The following SEZ6L variants were observed in gnomAD, a reference collection of about 807,000 sequenced individuals.
The protein encoded by SEZ6L is seizure 6-like protein.
SEZ6L carries 37 observed loss-of-function variants against 106.2 expected under a neutral mutation model. The observed-to-expected ratio is 0.35, with a 90% CI of 0.27 to 0.46. The LOEUF (loss-of-function observed/expected upper bound fraction) is 0.46, where lower values mean the gene tolerates loss of function less well. Among genes scored for constraint, SEZ6L ranks in the 20% least tolerant of loss-of-function variants. The pLI is 1.00. For missense variants in SEZ6L, 1,172 were observed against 1,332.8 expected, an observed-to-expected ratio of 0.88 and a Z score of 1.88; for synonymous variants, 541 against 570.4, an observed-to-expected ratio of 0.95 and a Z score of 0.73.
At position 26,195,995 on chromosome 22, in the gene SEZ6L, A is replaced by G. The variant is rs1410575781; in HGVS notation, c.94+26232A>G. Among the ~76,000 whole-genome samples, 3 of 152,282 alleles carry G rather than the reference A, an allele frequency of 2.0e-5. No homozygotes were observed. In the East Asian group the frequency reaches 5.8e-4, roughly 29 times the overall value. On this transcript the variant is annotated intron_variant, in intron 1 of 16. Transcript: ENST00000248933. ...TATGCAAAGCCCCAAGGAAGGAATG[A>G]GTGATATAGTTTTGATCTGTGTCCC...
At chr22:26,309,221 T>G (rs972507994) in intron 6 of SEZ6L, among the ~76,000 whole-genome samples, 9 of 152,258 alleles carry the variant, frequency 5.9e-5, no homozygotes, top group African/African-American at 2.2e-4. Flanking sequence ...GCATAATTTC[T>G]TTAAAAAACC....
At chr22:26,316,165 G>A (rs866933253) in intron 9 of SEZ6L, among the ~76,000 whole-genome samples, 18 of 152,190 alleles carry the variant, frequency 1.2e-4, no homozygotes, top group African/African-American at 7.2e-5. Context: ...CATTCCAACC[G>A]AACTGTTTGA....
chr22:26,350,331 G>A (rs1221914639), intron 11 of SEZ6L, among the ~76,000 whole-genome samples: 2 of 151,034 alleles, frequency 1.3e-5, no homozygotes, highest in African/African-American at 2.4e-5. Flanking sequence ...AGGCTTAAGC[G>A]ATCCTCTCAC....
At chr22:26,323,565 G>A (rs531343365) in intron 9 of SEZ6L, among the ~76,000 whole-genome samples, 3 of 152,310 alleles carry the variant, frequency 2.0e-5, no homozygotes, top group African/African-American at 7.2e-5. Context: ...CTCAGGTGTT[G>A]AGACCAGCTT....
At chr22:26,354,571 G>A (rs1397770406) in intron 12 of SEZ6L, among the ~76,000 whole-genome samples, 5 of 152,170 alleles carry the variant, frequency 3.3e-5, no homozygotes, top group Admixed American at 1.3e-4. Flanking sequence ...CTGCAAGAGC[G>A]ATCAGAAGCA....
chr22:26,306,166 C>T (rs1249287750), intron 6 of SEZ6L, 22 bp downstream of exon 6: 4 of 1,608,452 alleles, frequency 2.5e-6, no homozygotes, highest in Non-Finnish European at 2.5e-6. Flanking sequence ...AAGGTCCACA[C>T]CCAACCCCGT....
intron 1 of SEZ6L, among the ~76,000 whole-genome samples, chr22:26,277,014 A>G (rs917479232): frequency 6.6e-6 from 1 of 152,186 alleles, no homozygotes; most frequent in African/African-American, 2.4e-5. Context: ...TGAACCCAAC[A>G]TGAATTACAA....
intron 9 of SEZ6L, among the ~76,000 whole-genome samples, chr22:26,323,461 C>T (rs769616698): frequency 2.0e-5 from 3 of 152,062 alleles, no homozygotes; most frequent in Admixed American, 6.6e-5. Flanking sequence ...AGCAAGACCC[C>T]GTCTCTACAA....
intron 14 of SEZ6L, among the ~76,000 whole-genome samples, chr22:26,374,565 A>G (rs1404767517): frequency 1.3e-5 from 2 of 152,182 alleles, no homozygotes; most frequent in Non-Finnish European, 2.9e-5. Flanking sequence ...AGAACGTCTC[A>G]AAGGGCTGGG....
chr22:26,191,995 C>CATCCA (rs1361844462), intron 1 of SEZ6L, among the ~76,000 whole-genome samples: 1 of 151,874 alleles, frequency 6.6e-6, no homozygotes, highest in East Asian at 1.9e-4. Context: ...TCCATCCATC[C>CATCCA]ATCCATCCAT....
At chr22:26,262,243 T>TC in intron 1 of SEZ6L, among the ~76,000 whole-genome samples, 1 of 127,006 alleles carries the variant, frequency 7.9e-6, no homozygotes, top group Admixed American at 9.0e-5. Context: ...ATTGATATAT[T>TC]TTATCTATCT....
intron 1 of SEZ6L, among the ~76,000 whole-genome samples, chr22:26,263,176 C>G (rs1336140966): frequency 6.6e-6 from 1 of 152,302 alleles, no homozygotes; most frequent in South Asian, 2.1e-4. Flanking sequence ...CACAACCACC[C>G]AAGAGGGGGA....
chr22:26,239,713 A>G (rs1287874226), intron 1 of SEZ6L, among the ~76,000 whole-genome samples: 5 of 152,126 alleles, frequency 3.3e-5, no homozygotes, highest in African/African-American at 9.7e-5. Flanking sequence ...TCTTATCAGC[A>G]TGGAACAGCT....
At chr22:26,295,627 C>G (rs1281863397) in intron 3 of SEZ6L, among the ~76,000 whole-genome samples, 3 of 152,138 alleles carry the variant, frequency 2.0e-5, no homozygotes, top group African/African-American at 4.8e-5. Context: ...TGCTTAAGAA[C>G]CCTTTCCTCC....
intron 9 of SEZ6L, among the ~76,000 whole-genome samples, chr22:26,338,025 G>A (rs556162474): frequency 1.3e-5 from 2 of 152,252 alleles, no homozygotes; most frequent in African/African-American, 4.8e-5. Context: ...CCCAACTCCC[G>A]GACTAGCAGC....
chr22:26,240,867 T>C (rs1015652089), intron 1 of SEZ6L, among the ~76,000 whole-genome samples: 3 of 152,138 alleles, frequency 2.0e-5, no homozygotes, highest in Admixed American at 6.5e-5. Context: ...GTGGAGCATG[T>C]CAAGGAGAGA....
intron 5 of SEZ6L, among the ~76,000 whole-genome samples, chr22:26,301,173 T>C (rs1321174992): frequency 6.6e-6 from 1 of 152,160 alleles, no homozygotes; most frequent in Admixed American, 6.5e-5. Context: ...CATGTAGAAA[T>C]TGTTGGAGGT....
intron 11 of SEZ6L, among the ~76,000 whole-genome samples, chr22:26,350,655 C>CT (rs1181293548): frequency 0.015 from 1,935 of 130,394 alleles, 40 homozygotes; most frequent in African/African-American, 0.034. Flanking sequence ...AGTTAGGAAA[C>CT]TTTTTTTTTT....
At chr22:26,284,565 G>C (rs538957412) in intron 1 of SEZ6L, among the ~76,000 whole-genome samples, 40 of 127,390 alleles carry the variant, frequency 3.1e-4, no homozygotes, top group African/African-American at 1.1e-3. Context: ...AGCTGAGATT[G>C]CACCGCTGCA....
Sources: allele counts gnomAD v4.1 joint callset (sites outside exome capture counted in the v4.1 genomes callset), GRCh38; gene constraint gnomAD v4.1.1; transcripts MANE v1.5; gene names NCBI Gene and HGNC (gene_info 2026-07-23, HGNC 2026-07-21).